ULK4: variants seen among roughly 807,000 people sequenced by gnomAD.
ULK4 encodes unc-51 like kinase 4, also known as inactive serine/threonine-protein kinase ULK4.
In ULK4, 133 loss-of-function variants were observed where a neutral mutation model predicts 160.6. That is an observed-to-expected ratio of 0.83 (90% CI 0.72 to 0.96). The LOEUF is 0.96. Among genes scored for constraint, ULK4 ranks in the 40% least tolerant of loss-of-function variants. The pLI, the probability that ULK4 is intolerant of heterozygous loss-of-function variation, is 0.00. For synonymous variants in ULK4, 534 were observed against 539.8 expected (o/e 0.99, Z 0.15); for missense variants, 1,580 against 1,499.5 (o/e 1.05, Z -0.89).
chr3:41,313,837 C>A (rs1204323349), intron 35 of ULK4, among the ~76,000 whole-genome samples: 1 of 152,108 alleles, frequency 6.6e-6, no homozygotes. Flanking sequence ...CTGACTTGAA[C>A]AGAAACAAGG....
intron 17 of ULK4, among the ~76,000 whole-genome samples, chr3:41,846,933 T>G (rs141576090): frequency 6.7e-4 from 102 of 152,368 alleles, no homozygotes; most frequent in South Asian, 1.2e-3. Context: ...TTTGGTGTTA[T>G]TTCTAATACC....
At chr3:41,847,007 G>C (rs1338169169) in intron 17 of ULK4, among the ~76,000 whole-genome samples, 1 of 151,894 alleles carries the variant, frequency 6.6e-6, no homozygotes, top group African/African-American at 2.4e-5. Context: ...ACTATTCTTG[G>C]GCAACCACAG....
intron 34 of ULK4, among the ~76,000 whole-genome samples, chr3:41,444,244 T>A (rs1306555620): frequency 6.6e-6 from 1 of 152,158 alleles, no homozygotes; most frequent in Admixed American, 6.5e-5. Context: ...CTAATGAACT[T>A]ATGTGTTTGG....
intron 34 of ULK4, among the ~76,000 whole-genome samples, chr3:41,435,633 G>T (rs941683743): frequency 6.6e-6 from 1 of 152,150 alleles, no homozygotes; most frequent in South Asian, 2.1e-4. Flanking sequence ...AATGGAAAAT[G>T]CATGTAACCA....
At chr3:41,630,540 T>G (rs181267495) in intron 30 of ULK4, among the ~76,000 whole-genome samples, 1 of 152,216 alleles carries the variant, frequency 6.6e-6, no homozygotes, top group Non-Finnish European at 1.5e-5. Flanking sequence ...TAAAGGGCTC[T>G]TACGATTGGT....
At chr3:41,742,894 C>T (rs895669764) in intron 22 of ULK4, among the ~76,000 whole-genome samples, 1 of 151,282 alleles carries the variant, frequency 6.6e-6, no homozygotes, top group Non-Finnish European at 1.5e-5. Context: ...GACATGACTA[C>T]AAATAAATTA....
chr3:41,297,828 TTTGGGTGGGTTAA>T (rs1420490042), intron 35 of ULK4, among the ~76,000 whole-genome samples: 2 of 152,250 alleles, frequency 1.3e-5, no homozygotes, highest in Non-Finnish European at 2.9e-5. Context: ...GTCAGAAGTT[TTTGGGTGGGTTAA>T]TGCATTATTA....
intron 19 of ULK4, among the ~76,000 whole-genome samples, chr3:41,803,270 A>G (rs1368863959): frequency 7.3e-6 from 1 of 136,198 alleles, no homozygotes; most frequent in Non-Finnish European, 1.5e-5. Flanking sequence ...TTTATACAAC[A>G]CTCCACTCAA....
intron 9 of ULK4, 147 bp downstream of exon 9, chr3:41,912,660 T>A: frequency 1.6e-6 from 1 of 631,552 alleles, no homozygotes; most frequent in Non-Finnish European, 2.7e-6. Flanking sequence ...AGTAAACTCC[T>A]CAAGCAACCC....
Position 41,580,187 on chromosome 3 carries a change from G to A in ULK4, c.3121-14057C>T, listed in dbSNP as rs535820542. ...CCGCTGTGCATGACAACAGACAAGC[G>A]GCTGTCATGAGCTTGTATTTATAGG... On this transcript the variant is annotated intron_variant, in intron 31 of 36. Coordinates refer to ENST00000301831, the MANE Select transcript of ULK4 (RefSeq NM_017886.4). 1.1e-4 allele frequency among the ~76,000 whole-genome samples: 17 copies of A among 152,224 alleles called. No individual in the cohort carries two copies. In the South Asian group the frequency reaches 1.2e-3, roughly 11 times the overall value.
chr3:41,594,307 T>C (rs1364110300), intron 31 of ULK4, among the ~76,000 whole-genome samples: 5 of 151,964 alleles, frequency 3.3e-5, no homozygotes, highest in East Asian at 1.9e-4. Flanking sequence ...GAGGCCAAGA[T>C]GGGACGATTA....
intron 34 of ULK4, among the ~76,000 whole-genome samples, chr3:41,406,099 A>T (rs1194759001): frequency 6.6e-6 from 1 of 152,196 alleles, no homozygotes; most frequent in Non-Finnish European, 1.5e-5. Flanking sequence ...TTACAGTTTG[A>T]GGTCCTACAT....
chr3:41,803,135 C>T (rs762085028), intron 19 of ULK4, among the ~76,000 whole-genome samples: 1 of 134,026 alleles, frequency 7.5e-6, no homozygotes, highest in Non-Finnish European at 1.5e-5. Context: ...CGCACCACTG[C>T]ACTCCAGCCT....
At chr3:41,487,489 C>T (rs1031979599) in intron 32 of ULK4, among the ~76,000 whole-genome samples, 5 of 152,006 alleles carry the variant, frequency 3.3e-5, no homozygotes, top group Non-Finnish European at 5.9e-5. Context: ...GATTCCAATA[C>T]AGGAATTAAG....
At chr3:41,921,531 C>A (rs903210952) in intron 5 of ULK4, among the ~76,000 whole-genome samples, 1 of 152,142 alleles carries the variant, frequency 6.6e-6, no homozygotes, top group African/African-American at 2.4e-5. Flanking sequence ...AGGAGAATGG[C>A]ATGAACCCAG....
At chr3:41,555,641 C>A (rs145908990) in intron 32 of ULK4, among the ~76,000 whole-genome samples, 2 of 152,278 alleles carry the variant, frequency 1.3e-5, no homozygotes, top group African/African-American at 4.8e-5. Flanking sequence ...TATACACATG[C>A]CATTTGACCC....
intron 17 of ULK4, among the ~76,000 whole-genome samples, chr3:41,853,711 G>A (rs1299738766): frequency 1.3e-5 from 2 of 152,134 alleles, no homozygotes; most frequent in Non-Finnish European, 2.9e-5. Flanking sequence ...TTGATTGGAC[G>A]AGAGACTGAT....
intron 31 of ULK4, among the ~76,000 whole-genome samples, chr3:41,582,702 C>T (rs2030473047): frequency 6.6e-6 from 1 of 152,344 alleles, no homozygotes. Context: ...GCACCCTCTC[C>T]CTAGTTACAA....
At chr3:41,908,647 T>A (rs1698663610) in intron 11 of ULK4, among the ~76,000 whole-genome samples, 1 of 151,940 alleles carries the variant, frequency 6.6e-6, no homozygotes, top group South Asian at 2.1e-4. Context: ...GGTTTCACCA[T>A]CTTGACCAGG....
Sources: allele counts gnomAD v4.1 joint callset (sites outside exome capture counted in the v4.1 genomes callset), GRCh38; gene constraint gnomAD v4.1.1; transcripts MANE v1.5; gene names NCBI Gene and HGNC (gene_info 2026-07-23, HGNC 2026-07-21).